Variants in PUM1 observed in about 807,000 individuals in gnomAD.
PUM1 encodes the protein pumilio RNA binding family member 1.
A neutral mutation model predicts 131.8 loss-of-function variants in PUM1; 13 were observed. The observed-to-expected ratio is 0.10, with a 90% CI of 0.06 to 0.16. The LOEUF (loss-of-function observed/expected upper bound fraction) is 0.16, where lower values mean the gene tolerates loss of function less well. Among genes scored for constraint, PUM1 ranks in the 10% least tolerant of loss-of-function variants. The pLI, the probability that PUM1 is intolerant of heterozygous loss-of-function variation, is 1.00. For synonymous variants in PUM1, 509 were observed against 556.5 expected (o/e 0.91, Z 1.20); for missense variants, 961 against 1,512.4 (o/e 0.64, Z 6.05).
chr1:30,975,714 T>A (rs558044252), intron 9 of PUM1, among the ~76,000 whole-genome samples: 1 of 151,906 alleles, frequency 6.6e-6, no homozygotes, highest in Non-Finnish European at 1.5e-5. Context: ...GACACTGATA[T>A]GTGAAATTTT....
chr1:30,992,152 G>C (rs891907532), intron 7 of PUM1, among the ~76,000 whole-genome samples: 1 of 152,218 alleles, frequency 6.6e-6, no homozygotes, highest in Non-Finnish European at 1.5e-5. Flanking sequence ...CTGCTGAGGA[G>C]AGAGAAGAAC....
chr1:30,935,548 C>T (rs1639171491), intron 21 of PUM1: 1 of 406,922 alleles, frequency 2.5e-6, no homozygotes, highest in Non-Finnish European at 4.9e-6. Flanking sequence ...TTACCTCCAA[C>T]ATTCCCTCTG....
chr1:31,013,139 C>T (rs1278354249), intron 3 of PUM1, among the ~76,000 whole-genome samples: 2 of 152,194 alleles, frequency 1.3e-5, no homozygotes, highest in Non-Finnish European at 2.9e-5. Context: ...GTGATCATGG[C>T]ATCACCTAGG....
rs778858703 is a variant in PUM1 at position 30,966,206 on chromosome 1, C to T, written c.1862G>A (p.Arg621His). The T allele has an allele frequency of 1.9e-6, 3 of 1,613,898 alleles. No homozygotes were observed. The highest frequency in any genetic ancestry group is 1.1e-5 in the South Asian group (1 of 91,046). ...GLAGTTNGPF[R>H]PLGTQQPQPQ... is the part of the protein sequence containing the mutation. ...CTGAGGCTGCTGTGTTCCTAAAGGG[C>T]GAAATGGTCCATTTGTTGTTCCAGC... is the stretch of plus-strand genomic sequence containing the variant. The change falls in exon 13 of 22, where the codon CGC becomes CAC. Residue 621 changes from arginine to histidine, a missense_variant. Coordinates refer to ENST00000426105, the MANE Select transcript of PUM1 (RefSeq NM_001020658.2).
intron 17 of PUM1, 55 bp downstream of exon 17, chr1:30,950,072 C>A (rs547281190): frequency 2.5e-6 from 4 of 1,575,388 alleles, no homozygotes; most frequent in Admixed American, 3.6e-5. Context: ...GGGTTCACTA[C>A]ATGTACCATG....
At chr1:31,030,037 G>A (rs1435589105) in intron 2 of PUM1, among the ~76,000 whole-genome samples, 1 of 151,322 alleles carries the variant, frequency 6.6e-6, no homozygotes, top group African/African-American at 2.4e-5. Context: ...CCAACATGGT[G>A]AAACCCTGTT....
At chr1:30,940,500 T>A (rs905793906) in intron 20 of PUM1, among the ~76,000 whole-genome samples, 4 of 152,088 alleles carry the variant, frequency 2.6e-5, no homozygotes, top group Admixed American at 2.6e-4. Flanking sequence ...ATTAAAAACA[T>A]CAAGGTTGTA....
chr1:31,039,968 C>G (rs1226937870), intron 2 of PUM1, among the ~76,000 whole-genome samples: 1 of 152,122 alleles, frequency 6.6e-6, no homozygotes, highest in Non-Finnish European at 1.5e-5. Flanking sequence ...CCCTGGGCGA[C>G]AAGAGCGAAA....
In PUM1 at chr1:30,945,494, C is replaced by T; in HGVS notation, c.2857-11G>A. The T allele has an allele frequency of 6.2e-7, 1 of 1,613,658 alleles. No homozygotes were observed. Among genetic ancestry groups the T allele is most frequent in the Non-Finnish European group, 8.5e-7 (1 of 1,179,908 alleles). On this transcript the variant is annotated splice_polypyrimidine_tract_variant and intron_variant, in intron 17 of 21. Transcript: ENST00000426105. ...CCGAACCATCTCATTCTAATGGAGA[C>T]AAAGAAAGCACCACCAGAATCACAG...
intron 2 of PUM1, among the ~76,000 whole-genome samples, chr1:31,039,858 G>A (rs1402978352): frequency 2.0e-5 from 3 of 151,826 alleles, no homozygotes; most frequent in Admixed American, 6.6e-5. Context: ...AGAAAGCTGA[G>A]ATGCTGCCAC....
intron 3 of PUM1, among the ~76,000 whole-genome samples, chr1:31,017,526 T>C (rs756976565): frequency 8.2e-5 from 12 of 145,690 alleles, no homozygotes; most frequent in Non-Finnish European, 1.5e-4. Context: ...TTTTTCTTCT[T>C]TTTTTTTTTT....
At chr1:30,987,652 T>C (rs553662931) in intron 7 of PUM1, among the ~76,000 whole-genome samples, 53 of 152,270 alleles carry the variant, frequency 3.5e-4, no homozygotes, top group African/African-American at 1.1e-3. Flanking sequence ...AAGAAGACAA[T>C]GAAGTGAATT....
chr1:31,053,922 T>C (rs1399361564), intron 2 of PUM1, among the ~76,000 whole-genome samples: 6 of 151,614 alleles, frequency 4.0e-5, no homozygotes, highest in Non-Finnish European at 5.9e-5. Flanking sequence ...TGGTGAAACC[T>C]TGTTTCTACT....
intron 14 of PUM1, among the ~76,000 whole-genome samples, chr1:30,960,287 T>C (rs1255243861): frequency 6.6e-6 from 1 of 152,228 alleles, no homozygotes; most frequent in African/African-American, 2.4e-5. Context: ...CCAATGAGCA[T>C]TTCCTTTGAG....
chr1:30,996,450 A>G (rs184748251), intron 5 of PUM1, among the ~76,000 whole-genome samples: 30 of 152,330 alleles, frequency 2.0e-4, no homozygotes, highest in African/African-American at 6.7e-4. Context: ...CTCTTAAGAG[A>G]TCACTGGCCC....
chr1:30,972,260 AAAGAAAAGAAGGGAAGGGAAGGGAAGGG>A (rs761744909), intron 10 of PUM1, among the ~76,000 whole-genome samples: 568 of 28,472 alleles, frequency 0.02, 31 homozygotes, highest in East Asian at 0.12. Flanking sequence ...GTCAGAAAGA[AAAGAAAAGAAGGGAAGGGAAGGGAAGGG>A]GAGGGGAGGG....
At chr1:30,958,735 T>C (rs1640276421) in intron 14 of PUM1, among the ~76,000 whole-genome samples, 1 of 152,176 alleles carries the variant, frequency 6.6e-6, no homozygotes, top group Non-Finnish European at 1.5e-5. Context: ...AGTTTAAGGT[T>C]TTCTATGTAA....
chr1:31,034,187 T>C (rs1175286510), intron 2 of PUM1, among the ~76,000 whole-genome samples: 1 of 152,214 alleles, frequency 6.6e-6, no homozygotes, highest in Non-Finnish European at 1.5e-5. Flanking sequence ...GTACTTGCTT[T>C]ACTGGCATTC....
chr1:31,026,901 C>T (rs1643241037), intron 3 of PUM1, among the ~76,000 whole-genome samples: 1 of 138,480 alleles, frequency 7.2e-6, no homozygotes, highest in Admixed American at 7.8e-5. Flanking sequence ...TTGTTATTAA[C>T]ATATGCCTAT....
Sources: gnomAD v4.1 joint callset for allele counts (sites outside exome capture counted in the v4.1 genomes callset) on GRCh38, gnomAD v4.1.1 for gene constraint, MANE v1.5 for transcripts, NCBI Gene and HGNC (gene_info 2026-07-23, HGNC 2026-07-21) for gene names.